Variants in PACRG observed in about 807,000 individuals in gnomAD.
The protein encoded by PACRG is parkin coregulated, also known as parkin coregulated gene protein.
A neutral mutation model predicts 29.7 loss-of-function variants in PACRG; 29 were observed. The observed-to-expected ratio is 0.98, with a 90% CI of 0.73 to 1.33. PACRG has a LOEUF of 1.33. Ranked by LOEUF, PACRG falls within the 40% of genes most tolerant of loss-of-function variation. The probability of loss-of-function intolerance (pLI) is 0.00; values close to 1 mark genes in which losing one functional copy is unlikely to be tolerated. For synonymous variants in PACRG, 116 were observed against 118.7 expected (o/e 0.98, Z 0.15); for missense variants, 279 against 316.2 (o/e 0.88, Z 0.89).
chr6:162,908,652 C>G (rs1295738028), intron 2 of PACRG, among the ~76,000 whole-genome samples: 2 of 152,262 alleles, frequency 1.3e-5, no homozygotes, highest in Middle Eastern at 3.4e-3. Context: ...TCCCCAATAG[C>G]TGGCAGAAAT....
intron 4 of PACRG, among the ~76,000 whole-genome samples, chr6:163,261,877 T>C (rs1209891891): frequency 1.3e-5 from 2 of 152,182 alleles, no homozygotes; most frequent in Admixed American, 6.5e-5. Context: ...CCATTTAGTA[T>C]CAGGGACTTG....
intron 1 of PACRG, among the ~76,000 whole-genome samples, chr6:162,733,728 G>C (rs1036222395): frequency 6.6e-6 from 1 of 152,208 alleles, no homozygotes; most frequent in East Asian, 1.9e-4. Flanking sequence ...TGCCCTTCCT[G>C]TTTCCTCTGC....
intron 4 of PACRG, among the ~76,000 whole-genome samples, chr6:163,176,353 A>G (rs535279465): frequency 6.6e-6 from 1 of 152,362 alleles, no homozygotes; most frequent in South Asian, 2.1e-4. Context: ...CTATTCTTTC[A>G]TAAGTGACAC....
chr6:163,103,231 C>T (rs542907796), intron 4 of PACRG, among the ~76,000 whole-genome samples: 1 of 152,246 alleles, frequency 6.6e-6, no homozygotes, highest in South Asian at 2.1e-4. Flanking sequence ...TAGGCTCATC[C>T]CAGGTGTTGA....
At chr6:162,873,469 A>T (rs1793005660) in intron 2 of PACRG, among the ~76,000 whole-genome samples, 1 of 152,188 alleles carries the variant, frequency 6.6e-6, no homozygotes, top group Non-Finnish European at 1.5e-5. Context: ...AGACATTTTA[A>T]AATTGTTCTT....
chr6:163,191,334 C>T (rs1035627781), intron 4 of PACRG, among the ~76,000 whole-genome samples: 2 of 152,196 alleles, frequency 1.3e-5, no homozygotes, highest in South Asian at 2.1e-4. Flanking sequence ...CACCCAGTCT[C>T]ATTCCTCAGC....
At chr6:162,956,991 T>C (rs896597402) in intron 2 of PACRG, among the ~76,000 whole-genome samples, 1 of 152,084 alleles carries the variant, frequency 6.6e-6, no homozygotes, top group East Asian at 1.9e-4. Context: ...AAATCTCACC[T>C]GATCTTTTTA....
chr6:163,283,246 T>C (rs1349359420), intron 4 of PACRG, among the ~76,000 whole-genome samples: 1 of 152,212 alleles, frequency 6.6e-6, no homozygotes, highest in Non-Finnish European at 1.5e-5. Flanking sequence ...ATGTGTATTT[T>C]AGTGTCTGAG....
At chr6:163,314,244 T>C (rs999723534) in intron 4 of PACRG, among the ~76,000 whole-genome samples, 4 of 152,178 alleles carry the variant, frequency 2.6e-5, no homozygotes, top group African/African-American at 9.7e-5. Context: ...CATTGAGTGA[T>C]AGTTCGGGAG....
intron 2 of PACRG, among the ~76,000 whole-genome samples, chr6:162,982,865 G>C (rs1337961637): frequency 2.0e-5 from 3 of 151,964 alleles, no homozygotes; most frequent in African/African-American, 7.2e-5. Context: ...TTTGTTGACT[G>C]TCTGTCTTGG....
intron 2 of PACRG, among the ~76,000 whole-genome samples, chr6:162,989,639 T>A (rs535853066): frequency 1.3e-5 from 2 of 152,218 alleles, no homozygotes; most frequent in East Asian, 3.9e-4. Context: ...ACAAATCCAT[T>A]TTTATGAATA....
chr6:163,189,545 T>C (rs1780106464), intron 4 of PACRG: 1 of 152,274 alleles, frequency 6.6e-6, no homozygotes, highest in African/African-American at 2.4e-5. Flanking sequence ...AATTATTCAT[T>C]GTGGCAGGGG....
intron 2 of PACRG, among the ~76,000 whole-genome samples, chr6:162,994,145 C>T (rs1467192222): frequency 4.4e-4 from 55 of 125,418 alleles, no homozygotes; most frequent in African/African-American, 2.0e-3. Context: ...TTGAGGGTAA[C>T]CCGACCTTTC....
At chr6:162,960,976 T>C (rs1357608924) in intron 2 of PACRG, among the ~76,000 whole-genome samples, 1 of 108,110 alleles carries the variant, frequency 9.2e-6, no homozygotes, top group Non-Finnish European at 2.2e-5. Flanking sequence ...GTTTAGGTCA[T>C]GTGCCCATGC....
At chr6:163,023,110 T>C (rs957888510) in intron 2 of PACRG, among the ~76,000 whole-genome samples, 3 of 152,202 alleles carry the variant, frequency 2.0e-5, no homozygotes, top group Admixed American at 6.5e-5. Context: ...ATACAGGTGG[T>C]ACATACGCAG....
chr6:163,107,700 T>C lies in PACRG; in HGVS notation c.613+18292T>C, dbSNP rs545921751. On this transcript the variant is annotated intron_variant, in intron 4 of 4. Transcript: ENST00000366888. ...TCTTCTCGTGCATCCTGTTCTTTGA[T>C]GTATTGATTTTCAACAATACATCAA... 2.0e-5 allele frequency among the ~76,000 whole-genome samples: 3 copies of C among 152,344 alleles called. No homozygotes were observed. The East Asian group carries it at 5.8e-4, about 29-fold the overall frequency.
chr6:163,132,531 C>T (rs1816781053), intron 4 of PACRG, among the ~76,000 whole-genome samples: 1 of 152,108 alleles, frequency 6.6e-6, no homozygotes, highest in African/African-American at 2.4e-5. Context: ...TTGTGCGTGC[C>T]CTGTGGTTAA....
chr6:162,792,685 C>G lies in PACRG; in HGVS notation c.157-21462C>G, dbSNP rs190844915. On this transcript the variant is annotated intron_variant, in intron 1 of 4. Coordinates refer to ENST00000366888, the MANE Select transcript of PACRG (RefSeq NM_001080379.2). ...ACCAACACTGCTGGGGAGACAGCAT[C>G]CTTAGGGAAAAGTCAGGCTTCTGTT... 1.2e-4 allele frequency among the ~76,000 whole-genome samples: 18 copies of G among 152,232 alleles called. No homozygotes were observed. The East Asian group carries it at 3.3e-3, about 28-fold the overall frequency.
At chr6:162,945,906 A>G (rs778081448) in intron 2 of PACRG, among the ~76,000 whole-genome samples, 13 of 152,160 alleles carry the variant, frequency 8.5e-5, no homozygotes, top group Non-Finnish European at 1.8e-4. Context: ...ATGTTCCTGA[A>G]TGACCACTGG....
Sources: allele counts gnomAD v4.1 joint callset (sites outside exome capture counted in the v4.1 genomes callset), GRCh38; gene constraint gnomAD v4.1.1; transcripts MANE v1.5; gene names NCBI Gene and HGNC (gene_info 2026-07-23, HGNC 2026-07-21).